Variants in IFNGR2 observed in about 807,000 individuals in gnomAD.
IFNGR2 encodes the protein IFN-gamma receptor 2.
A neutral mutation model predicts 41.1 loss-of-function variants in IFNGR2; 15 were observed. That is an observed-to-expected ratio of 0.37 (90% CI 0.24 to 0.56). The LOEUF (loss-of-function observed/expected upper bound fraction) is 0.56, where lower values mean the gene tolerates loss of function less well. Among genes scored for constraint, IFNGR2 ranks in the 20% least tolerant of loss-of-function variants. IFNGR2 has a pLI of 0.81. For synonymous variants in IFNGR2, 161 were observed against 171.6 expected (o/e 0.94, Z 0.48); for missense variants, 362 against 415.7 (o/e 0.87, Z 1.12).
chr21:33,436,134 G>T (rs532984151), intron 6 of IFNGR2, among the ~76,000 whole-genome samples: 148 of 150,898 alleles, frequency 9.8e-4, no homozygotes, highest in African/African-American at 3.4e-3. Context: ...GAGGCGGGCG[G>T]ATCACCTGAG....
intron 3 of IFNGR2, among the ~76,000 whole-genome samples, chr21:33,424,930 A>T (rs1359298259): frequency 1.3e-5 from 2 of 151,522 alleles, no homozygotes; most frequent in Non-Finnish European, 2.9e-5. Context: ...TTTTTGTGAG[A>T]TGGAGTTTCA....
intron 2 of IFNGR2, among the ~76,000 whole-genome samples, chr21:33,418,299 C>T (rs572545573): frequency 3.3e-5 from 5 of 152,232 alleles, no homozygotes; most frequent in Admixed American, 1.3e-4. Flanking sequence ...TCAGGTGATC[C>T]GCCCACCTAG....
At chr21:33,423,269 G>C (rs1416243395) in intron 3 of IFNGR2, among the ~76,000 whole-genome samples, 3 of 151,976 alleles carry the variant, frequency 2.0e-5, no homozygotes, top group Admixed American at 2.0e-4. Context: ...TTGAACTCCT[G>C]ACCTTGTGAT....
intron 3 of IFNGR2, among the ~76,000 whole-genome samples, chr21:33,426,616 A>G (rs1348466597): frequency 6.6e-6 from 1 of 151,922 alleles, no homozygotes; most frequent in African/African-American, 2.4e-5. Context: ...GCTACTTGAG[A>G]GGCTGATGCA....
chr21:33,416,182 C>T (rs1397483617), intron 2 of IFNGR2, among the ~76,000 whole-genome samples: 1 of 152,072 alleles, frequency 6.6e-6, no homozygotes, highest in Non-Finnish European at 1.5e-5. Flanking sequence ...TTTTATCCTA[C>T]ACAGATAATT....
chr21:33,427,839 T>C (rs2083851574), intron 4 of IFNGR2, among the ~76,000 whole-genome samples: 1 of 62,772 alleles, frequency 1.6e-5, no homozygotes, highest in Non-Finnish European at 2.7e-5. Context: ...TTCATCTCAT[T>C]TCATCTTTTT....
chr21:33,419,459 TTGTGTG>T (rs35945253), intron 2 of IFNGR2, among the ~76,000 whole-genome samples: 4 of 149,988 alleles, frequency 2.7e-5, no homozygotes, highest in African/African-American at 7.4e-5. Flanking sequence ...TGTTTGAAAA[TTGTGTG>T]TGTGTGTGTG....
At chr21:33,414,437 A>G (rs2083739546) in intron 1 of IFNGR2, among the ~76,000 whole-genome samples, 1 of 152,244 alleles carries the variant, frequency 6.6e-6, no homozygotes, top group South Asian at 2.1e-4. Flanking sequence ...TCTGAAGCTA[A>G]CGCGTGTCAC....
intron 5 of IFNGR2, 119 bp downstream of exon 5, chr21:33,432,455 G>A (rs1411737513): frequency 9.9e-7 from 1 of 1,009,428 alleles, no homozygotes; most frequent in African/African-American, 1.6e-5. Flanking sequence ...AGTGAGAAGA[G>A]TGCTGAACTG....
At chr21:33,404,034 C>T (rs2123323370) in intron 1 of IFNGR2, among the ~76,000 whole-genome samples, 1 of 152,348 alleles carries the variant, frequency 6.6e-6, no homozygotes, top group East Asian at 1.9e-4. Context: ...CCCGCGCGCC[C>T]GCGCCGGGAA....
intron 6 of IFNGR2, among the ~76,000 whole-genome samples, 154 bp from the exon 7 acceptor site, chr21:33,436,674 A>G (rs1186328514): frequency 6.6e-6 from 1 of 152,094 alleles, no homozygotes; most frequent in Non-Finnish European, 1.5e-5. Context: ...GTGAGCTGAG[A>G]TCACACCACT....
At chr21:33,407,124 C>G (rs374777994) in intron 1 of IFNGR2, among the ~76,000 whole-genome samples, 2 of 151,928 alleles carry the variant, frequency 1.3e-5, no homozygotes, top group African/African-American at 4.8e-5. Context: ...ATCAACTGAC[C>G]AGTTAGTTAC....
At chr21:33,423,149 C>T (rs1487920272) in intron 3 of IFNGR2, among the ~76,000 whole-genome samples, 1 of 149,074 alleles carries the variant, frequency 6.7e-6, no homozygotes, top group Admixed American at 6.8e-5. Context: ...ACGCCATTCT[C>T]CTGCCTCAGC....
intron 1 of IFNGR2, among the ~76,000 whole-genome samples, chr21:33,409,467 ACT>A (rs1286898376): frequency 1.3e-5 from 2 of 152,150 alleles, no homozygotes; most frequent in Non-Finnish European, 2.9e-5. Flanking sequence ...ACAGAGTGAG[ACT>A]CTGTCTCAAA....
At chr21:33,419,621 G>A (rs1223318673) in intron 2 of IFNGR2, among the ~76,000 whole-genome samples, 5 of 151,998 alleles carry the variant, frequency 3.3e-5, no homozygotes, top group African/African-American at 1.2e-4. Flanking sequence ...CATATCACAT[G>A]TGTTGTATTT....
intron 4 of IFNGR2, among the ~76,000 whole-genome samples, chr21:33,430,182 A>G (rs1212454497): frequency 6.6e-6 from 1 of 152,222 alleles, no homozygotes; most frequent in African/African-American, 2.4e-5. Context: ...CCCAGATGTC[A>G]GCTAAGGGTT....
At chr21:33,411,676 G>A (rs547769026) in intron 1 of IFNGR2, 19 of 355,560 alleles carry the variant, frequency 5.3e-5, no homozygotes, top group Non-Finnish European at 9.7e-5. Flanking sequence ...GAGGCAGAAG[G>A]TTCAGTACCA....
Position 33,436,878 on chromosome 21 carries a change from C to T in IFNGR2, c.930C>T (p.Ser310=). The change falls in exon 7 of 7, where the codon AGC becomes AGT. Residue 310 remains serine, a synonymous_variant. Transcript: ENST00000290219. ...QPILEALDKD[S]SPKDDVWDSV... Reference sequence around the variant, plus strand: ...TCTTAGAGGCCTTGGACAAGGACAGCTCACCAAAGGATGACGTCTGGGACT... The same window carrying T: ...TCTTAGAGGCCTTGGACAAGGACAGTTCACCAAAGGATGACGTCTGGGACT... 1.2e-6 allele frequency: 2 copies of T among 1,613,956 alleles called. No homozygotes were observed. The highest frequency in any genetic ancestry group is 8.5e-7 in the Non-Finnish European group (1 of 1,179,814).
At chr21:33,412,975 G>A (rs2083727650) in intron 1 of IFNGR2, among the ~76,000 whole-genome samples, 1 of 152,206 alleles carries the variant, frequency 6.6e-6, no homozygotes, top group African/African-American at 2.4e-5. Flanking sequence ...TTTGGAAGAA[G>A]CCTGTGTAGG....
Sources: gnomAD v4.1 joint callset for allele counts (sites outside exome capture counted in the v4.1 genomes callset) on GRCh38, gnomAD v4.1.1 for gene constraint, MANE v1.5 for transcripts, NCBI Gene and HGNC (gene_info 2026-07-23, HGNC 2026-07-21) for gene names.